The following KCNQ5 variants were observed in gnomAD, a reference collection of about 807,000 sequenced individuals.
The protein encoded by KCNQ5 is potassium voltage-gated channel subfamily KQT member 5.
Under a neutral mutation model 98.2 loss-of-function variants are expected in KCNQ5, and 30 were observed. That is an observed-to-expected ratio of 0.31 (90% confidence interval 0.23 to 0.41). The LOEUF is 0.41. KCNQ5 is among the 10% of genes least tolerant of loss of function. The pLI is 1.00. For missense variants in KCNQ5, 835 were observed against 1,182.5 expected (o/e 0.71, Z 4.31); for synonymous variants, 458 against 449.4 (o/e 1.02, Z -0.24).
At chr6:72,804,311 C>A (rs867983756) in intron 1 of KCNQ5, among the ~76,000 whole-genome samples, 1 of 151,882 alleles carries the variant, frequency 6.6e-6, no homozygotes, top group Non-Finnish European at 1.5e-5. Context: ...TCCCCACTAC[C>A]CCCACCCCTC....
intron 10 of KCNQ5, among the ~76,000 whole-genome samples, chr6:73,148,794 T>A (rs894272755): frequency 2.0e-5 from 3 of 152,192 alleles, no homozygotes; most frequent in African/African-American, 7.2e-5. Context: ...TGCCTCTCAT[T>A]TTCCCAGAAT....
chr6:72,716,161 G>A (rs1769637786), intron 1 of KCNQ5, among the ~76,000 whole-genome samples: 2 of 152,010 alleles, frequency 1.3e-5, no homozygotes, highest in South Asian at 4.1e-4. Flanking sequence ...ATTTTTCACA[G>A]CCCCCCAAAA....
chr6:72,689,863 T>C (rs1768127752), intron 1 of KCNQ5, among the ~76,000 whole-genome samples: 1 of 151,942 alleles, frequency 6.6e-6, no homozygotes, highest in South Asian at 2.1e-4. Flanking sequence ...AGTAATCTGA[T>C]TGGGTAACTG....
chr6:73,104,467 A>G (rs1361352486), intron 5 of KCNQ5, among the ~76,000 whole-genome samples: 3 of 152,206 alleles, frequency 2.0e-5, no homozygotes, highest in Non-Finnish European at 4.4e-5. Context: ...AATCCTTTTT[A>G]AATCCACCAT....
chr6:73,146,891 CATAAAAATTG>C, intron 10 of KCNQ5, among the ~76,000 whole-genome samples: 1 of 152,134 alleles, frequency 6.6e-6, no homozygotes, highest in South Asian at 2.1e-4. Flanking sequence ...TATAAAAATC[CATAAAAATTG>C]GTTTTTGTAT....
At chr6:72,913,466 TG>T (rs972773747) in intron 1 of KCNQ5, among the ~76,000 whole-genome samples, 48 of 152,298 alleles carry the variant, frequency 3.2e-4, no homozygotes, top group African/African-American at 1.1e-3. Context: ...GTGTGAGTCC[TG>T]GGTCCACTCT....
At chr6:73,093,686 T>G (rs2150407605) in intron 5 of KCNQ5, among the ~76,000 whole-genome samples, 2 of 152,310 alleles carry the variant, frequency 1.3e-5, no homozygotes, top group East Asian at 3.9e-4. Flanking sequence ...CAAGAGCAGG[T>G]TATTTAATTT....
chr6:73,177,316 A>AC (rs1778249204), intron 11 of KCNQ5, among the ~76,000 whole-genome samples: 1 of 152,246 alleles, frequency 6.6e-6, no homozygotes, highest in Non-Finnish European at 1.5e-5. Context: ...TTTCTTTGTA[A>AC]CTAGCAAAGG....
At chr6:72,955,143 C>A (rs1197101352) in intron 1 of KCNQ5, among the ~76,000 whole-genome samples, 1 of 152,198 alleles carries the variant, frequency 6.6e-6, no homozygotes, top group African/African-American at 2.4e-5. Context: ...TTTTCACAAG[C>A]AATTGTTCCA....
intron 1 of KCNQ5, among the ~76,000 whole-genome samples, chr6:72,713,654 A>T (rs1239868811): frequency 1.3e-5 from 2 of 152,234 alleles, no homozygotes; most frequent in Non-Finnish European, 2.9e-5. Context: ...ACAAGAGAAC[A>T]TCAGTTAAGT....
intron 1 of KCNQ5, among the ~76,000 whole-genome samples, chr6:72,822,646 G>T (rs1348954773): frequency 6.6e-6 from 1 of 152,022 alleles, no homozygotes; most frequent in African/African-American, 2.4e-5. Flanking sequence ...ATTATTGAGG[G>T]TCTAGCATTT....
chr6:73,046,651 TTA>T (rs1329199401), intron 3 of KCNQ5, among the ~76,000 whole-genome samples: 9 of 151,024 alleles, frequency 6.0e-5, no homozygotes, highest in Middle Eastern at 3.4e-3. Flanking sequence ...TTATTTTATT[TTA>T]TTTTTTGAGG....
chr6:72,977,123 GTATT>G (rs1417329519), intron 1 of KCNQ5, among the ~76,000 whole-genome samples: 1 of 152,058 alleles, frequency 6.6e-6, no homozygotes, highest in Non-Finnish European at 1.5e-5. Context: ...ACTCTCTTTG[GTATT>G]TATTTATTTA....
intron 1 of KCNQ5, among the ~76,000 whole-genome samples, chr6:72,669,397 G>GCCTT (rs1355483384): frequency 5.3e-5 from 8 of 152,178 alleles, no homozygotes; most frequent in African/African-American, 1.9e-4. Flanking sequence ...AATTGTCTTT[G>GCCTT]GCTTGAATAA....
rs555157854 is a variant in KCNQ5, at chr6:73,158,525, C to CA, written c.1469-11218dup. ...CAGGGATCCGCGCGCCTCAGCCTCC[C>CA]AAAGTGCTAAGATTACAGACATGAG... On this transcript the variant is annotated intron_variant, in intron 10 of 13. Coordinates refer to ENST00000370398, the MANE Select transcript of KCNQ5 (RefSeq NM_019842.4). Among the ~76,000 whole-genome samples the CA allele has an allele frequency of 2.6e-5, 4 of 152,236 alleles. No homozygotes were observed. In the South Asian group the frequency reaches 8.3e-4, roughly 32 times the overall value.
At chr6:73,192,533 C>T in intron 12 of KCNQ5, 32 bp from the exon 13 acceptor site, 2 of 1,568,588 alleles carry the variant, frequency 1.3e-6, no homozygotes, top group Non-Finnish European at 1.7e-6. Flanking sequence ...CACCTTCAGC[C>T]CTCATAATCA....
chr6:72,752,851 T>C (rs961897385), intron 1 of KCNQ5, among the ~76,000 whole-genome samples: 2 of 152,130 alleles, frequency 1.3e-5, no homozygotes, highest in Non-Finnish European at 2.9e-5. Context: ...AAACAGGGCA[T>C]AGTGGATATG....
chr6:72,865,044 C>T (rs1777923959), intron 1 of KCNQ5, among the ~76,000 whole-genome samples: 1 of 152,216 alleles, frequency 6.6e-6, no homozygotes, highest in South Asian at 2.1e-4. Flanking sequence ...GCCTACATTA[C>T]ATCAGTTACA....
chr6:72,773,413 G>A (rs1773004955), intron 1 of KCNQ5, among the ~76,000 whole-genome samples: 1 of 152,080 alleles, frequency 6.6e-6, no homozygotes, highest in Admixed American at 6.6e-5. Context: ...GAGAACACAT[G>A]GACACAGGGA....
Sources: gnomAD v4.1 joint callset for allele counts (sites outside exome capture counted in the v4.1 genomes callset) on GRCh38, gnomAD v4.1.1 for gene constraint, MANE v1.5 for transcripts, NCBI Gene and HGNC (gene_info 2026-07-23, HGNC 2026-07-21) for gene names.